CPE: variants seen among roughly 807,000 people sequenced by gnomAD.
The protein encoded by CPE is carbocypeptidase E.
Under a neutral mutation model 53.5 loss-of-function variants are expected in CPE, and 17 were observed. That is an observed-to-expected ratio of 0.32 (90% CI 0.22 to 0.48). The LOEUF (loss-of-function observed/expected upper bound fraction) is 0.48, where lower values mean the gene tolerates loss of function less well. CPE is among the 20% of genes least tolerant of loss of function. The pLI, the probability that CPE is intolerant of heterozygous loss-of-function variation, is 0.99. For synonymous variants in CPE, 226 were observed against 228.8 expected (o/e 0.99, Z 0.11); for missense variants, 524 against 614.7 (o/e 0.85, Z 1.56).
intron 1 of CPE, among the ~76,000 whole-genome samples, chr4:165,393,989 C>T (rs929415986): frequency 2.0e-5 from 3 of 152,116 alleles, no homozygotes; most frequent in African/African-American, 4.8e-5. Context: ...TTTTGGAGGG[C>T]TGGGCCTTCA....
intron 1 of CPE, among the ~76,000 whole-genome samples, chr4:165,409,737 C>T (rs1213637623): frequency 1.3e-5 from 2 of 152,068 alleles, no homozygotes; most frequent in Non-Finnish European, 2.9e-5. Flanking sequence ...ATGAGCCAGT[C>T]TTTATTAGAT....
chr4:165,379,024 G>A lies in CPE; in HGVS notation c.-198G>A, dbSNP rs1472534908. On this transcript the variant is annotated 5_prime_UTR_variant, in exon 1 of 9. Coordinates refer to ENST00000402744, the MANE Select transcript of CPE (RefSeq NM_001873.4). The surrounding 1 kb of genome is among the most constrained non-coding windows in gnomAD (Gnocchi z 6.0). The stretch of plus-strand genomic sequence containing the variant: ...TCCGCGGCCAGTAGTGCAGCCCGTG[G>A]AGCCGCGGCTTTGCCCGTCTCCTCT... 6 of 394,244 alleles carry A rather than the reference G, an allele frequency of 1.5e-5. No homozygotes were observed. The highest frequency in any genetic ancestry group is 1.4e-4 in the Admixed American group (3 of 20,936). 24.4% of individuals were successfully genotyped at this position (394,244 alleles called of 1,614,324 possible). A position where few individuals can be genotyped will look rare whatever the true frequency, so the allele number is the denominator to read the frequency against.
At chr4:165,406,219 C>T in intron 1 of CPE, 1 of 664,426 alleles carries the variant, frequency 1.5e-6, no homozygotes, top group South Asian at 1.4e-5. Context: ...CCTTTGACTC[C>T]ATAGTTAATA....
chr4:165,495,772 T>A, intron 8 of CPE, 95 bp downstream of exon 8: 1 of 828,116 alleles, frequency 1.2e-6, no homozygotes, highest in Non-Finnish European at 1.8e-6. Context: ...ATCTTCGTAC[T>A]AGCCCTATGA....
At chr4:165,440,462 CCACA>C (rs1192278322) in intron 1 of CPE, among the ~76,000 whole-genome samples, 2 of 139,092 alleles carry the variant, frequency 1.4e-5, no homozygotes, top group African/African-American at 5.6e-5. Context: ...CCACCCCCCC[CCACA>C]CACACAAGCT....
At chr4:165,398,589 A>G (rs1730814079) in intron 1 of CPE, among the ~76,000 whole-genome samples, 1 of 152,224 alleles carries the variant, frequency 6.6e-6, no homozygotes. Context: ...GTCAATGGAA[A>G]AAATCTAAGC....
intron 1 of CPE, among the ~76,000 whole-genome samples, chr4:165,453,976 AT>A (rs33941193): frequency 2.0e-5 from 3 of 151,032 alleles, no homozygotes; most frequent in Non-Finnish European, 3.0e-5. Flanking sequence ...AAAAGCTAGA[AT>A]TTTTTTTTTT....
intron 3 of CPE, among the ~76,000 whole-genome samples, chr4:165,479,129 T>C (rs1732356293): frequency 6.6e-6 from 1 of 152,230 alleles, no homozygotes. Context: ...TAGAATATTA[T>C]AGAAGAGTGT....
At chr4:165,480,995 G>GAT (rs758491096) in intron 3 of CPE, among the ~76,000 whole-genome samples, 157 of 132,152 alleles carry the variant, frequency 1.2e-3, no homozygotes, top group East Asian at 4.5e-3. Context: ...TTCTACAATG[G>GAT]ATATATATAT....
intron 6 of CPE, among the ~76,000 whole-genome samples, chr4:165,491,318 G>A (rs1422294154): frequency 6.6e-6 from 1 of 152,156 alleles, no homozygotes; most frequent in Non-Finnish European, 1.5e-5. Context: ...TTATGCTATT[G>A]ATAATTTCAG....
intron 1 of CPE, 31 bp from the exon 2 acceptor site, chr4:165,464,359 A>C (rs1264989022): frequency 6.5e-7 from 1 of 1,534,938 alleles, no homozygotes; most frequent in Non-Finnish European, 8.8e-7. Context: ...TGTCATAGAA[A>C]ACATCTCCAT....
At chr4:165,444,337 G>A (rs1731664407) in intron 1 of CPE, among the ~76,000 whole-genome samples, 1 of 151,974 alleles carries the variant, frequency 6.6e-6, no homozygotes. Flanking sequence ...TCTTAAATTG[G>A]CAACACATTT....
At chr4:165,402,550 C>T (rs944628142) in intron 1 of CPE, among the ~76,000 whole-genome samples, 7 of 152,180 alleles carry the variant, frequency 4.6e-5, no homozygotes, top group East Asian at 1.9e-4. Context: ...TGAGTTCTCG[C>T]GAGATCTGAT....
intron 3 of CPE, among the ~76,000 whole-genome samples, chr4:165,481,806 A>C (rs1239277329): frequency 6.6e-6 from 1 of 152,106 alleles, no homozygotes; most frequent in Non-Finnish European, 1.5e-5. Flanking sequence ...AATAAACTTT[A>C]CCACATGTTT....
At chr4:165,388,028 A>G (rs1293556751) in intron 1 of CPE, among the ~76,000 whole-genome samples, 3 of 152,224 alleles carry the variant, frequency 2.0e-5, no homozygotes, top group Non-Finnish European at 2.9e-5. Context: ...TTCAGATCCC[A>G]AAGTGATGCT....
intron 4 of CPE, among the ~76,000 whole-genome samples, chr4:165,483,226 T>C (rs1365907766): frequency 6.6e-6 from 1 of 152,184 alleles, no homozygotes; most frequent in East Asian, 1.9e-4. Context: ...TAGCTTCCAC[T>C]TATAAATGAG....
At chr4:165,450,845 G>C (rs990151874) in intron 1 of CPE, among the ~76,000 whole-genome samples, 1 of 152,152 alleles carries the variant, frequency 6.6e-6, no homozygotes, top group African/African-American at 2.4e-5. Context: ...TTGAATGCGT[G>C]GGCACTCAAG....
At chr4:165,445,038 C>A (rs999148541) in intron 1 of CPE, among the ~76,000 whole-genome samples, 1 of 152,048 alleles carries the variant, frequency 6.6e-6, no homozygotes, top group Admixed American at 6.6e-5. Flanking sequence ...CTTACTGCAA[C>A]CTCTGCCTCC....
chr4:165,438,024 A>G (rs1731541902), intron 1 of CPE, among the ~76,000 whole-genome samples: 1 of 152,180 alleles, frequency 6.6e-6, no homozygotes, highest in Admixed American at 6.5e-5. Flanking sequence ...GATTAAGTTC[A>G]GATATGAATG....
Sources: allele counts gnomAD v4.1 joint callset (sites outside exome capture counted in the v4.1 genomes callset), GRCh38; gene constraint gnomAD v4.1.1; non-coding constraint Gnocchi (gnomAD v3.1); transcripts MANE v1.5; gene names NCBI Gene and HGNC (gene_info 2026-07-23, HGNC 2026-07-21).